The following CDK8 variants were observed in gnomAD, a reference collection of about 807,000 sequenced individuals.
The protein encoded by CDK8 is cyclin-dependent kinase 8.
In CDK8, 29 loss-of-function variants were observed where a neutral mutation model predicts 71.5. The observed-to-expected ratio is 0.41, with a 90% confidence interval of 0.30 to 0.55. CDK8 has a LOEUF of 0.55. Among genes scored for constraint, CDK8 ranks in the 20% least tolerant of loss-of-function variants. The pLI is 0.37. For missense variants in CDK8, 288 were observed against 572.6 expected (o/e 0.50, Z 5.07); for synonymous variants, 161 against 192.1 (o/e 0.84, Z 1.34).
intron 2 of CDK8, among the ~76,000 whole-genome samples, chr13:26,342,992 CCTGGTGTCTCT>C: frequency 6.6e-6 from 1 of 152,260 alleles, no homozygotes; most frequent in Non-Finnish European, 1.5e-5. Flanking sequence ...CAGAGACACT[CCTGGTGTCTCT>C]CTGTATGTCC....
intron 1 of CDK8, among the ~76,000 whole-genome samples, chr13:26,305,731 T>A (rs1211160222): frequency 6.6e-6 from 1 of 152,212 alleles, no homozygotes; most frequent in East Asian, 1.9e-4. Context: ...CATTTGCTTT[T>A]AAACCTGTCA....
rs117488420 is a variant in CDK8 at position 26,285,375 on chromosome 13, T to C, written c.128+30606T>C. ...AACACATGGAAGTCAATAAATGTGATCCATCACATAAACAGAATTAAAAAC... is the reference window on the plus strand; with the variant it reads ...AACACATGGAAGTCAATAAATGTGACCCATCACATAAACAGAATTAAAAAC... On this transcript the variant is annotated intron_variant, in intron 1 of 12. Coordinates refer to ENST00000381527, the MANE Select transcript of CDK8 (RefSeq NM_001260.3). Among the ~76,000 whole-genome samples, 1,029 of 152,294 alleles carry C rather than the reference T, an allele frequency of 6.8e-3. 8 individuals are homozygous for C. The highest frequency in any genetic ancestry group is 0.024 in the Middle Eastern group (7 of 294).
intron 1 of CDK8, among the ~76,000 whole-genome samples, chr13:26,273,114 T>C (rs1366926083): frequency 6.6e-6 from 1 of 152,176 alleles, no homozygotes; most frequent in East Asian, 1.9e-4. Flanking sequence ...TAGATTTAGG[T>C]CTCTAAGGGG....
chr13:26,335,688 T>A (rs1352063591), intron 1 of CDK8, among the ~76,000 whole-genome samples: 4 of 152,104 alleles, frequency 2.6e-5, no homozygotes, highest in Non-Finnish European at 5.9e-5. Flanking sequence ...GTCTTTAACT[T>A]CTTCTTCCTT....
intron 3 of CDK8, among the ~76,000 whole-genome samples, chr13:26,351,913 T>C (rs965576843): frequency 1.1e-4 from 16 of 152,094 alleles, no homozygotes; most frequent in Non-Finnish European, 2.4e-4. Flanking sequence ...GATTTCATGG[T>C]ATGTATATTT....
intron 1 of CDK8, among the ~76,000 whole-genome samples, chr13:26,312,741 C>T (rs1056242221): frequency 9.2e-5 from 14 of 152,214 alleles, no homozygotes; most frequent in Non-Finnish European, 2.1e-4. Context: ...TGTCTCCTTT[C>T]TAAGGTCTGC....
rs568596743 is a variant in CDK8, at chr13:26,389,862, G to C, written c.647-3505G>C. On this transcript the variant is annotated intron_variant, in intron 6 of 12. Transcript: ENST00000381527. ...AAAATACAAAAATTAGCCAGGCATG[G>C]TGGCGGGCACCTGTAATCCCAGCTG... 8.6e-4 allele frequency among the ~76,000 whole-genome samples: 131 copies of C among 152,166 alleles called. 1 individual carries two copies. The highest frequency in any genetic ancestry group is 3.1e-3 in the African/African-American group (127 of 41,534).
At chr13:26,392,232 C>T (rs79551137) in intron 6 of CDK8, among the ~76,000 whole-genome samples, 7,695 of 151,486 alleles carry the variant, frequency 0.051, 279 homozygotes, top group Non-Finnish European at 0.074. Context: ...GAAAGTAAAT[C>T]TGTATCTTGT....
chr13:26,263,837 C>G (rs1871898464), intron 1 of CDK8, among the ~76,000 whole-genome samples: 1 of 151,674 alleles, frequency 6.6e-6, no homozygotes, highest in Non-Finnish European at 1.5e-5. Flanking sequence ...AGCTCCGTCT[C>G]CTGGGTTCAC....
chr13:26,386,478 C>G (rs1875482914), intron 6 of CDK8, among the ~76,000 whole-genome samples: 1 of 152,080 alleles, frequency 6.6e-6, no homozygotes, highest in African/African-American at 2.4e-5. Context: ...TAACTGCATC[C>G]TGAGGTTTTC....
At chr13:26,321,254 C>T (rs533888976) in intron 1 of CDK8, among the ~76,000 whole-genome samples, 1 of 152,184 alleles carries the variant, frequency 6.6e-6, no homozygotes, top group Admixed American at 6.5e-5. Context: ...TGAATCAGGA[C>T]ATTTTGCTTA....
chr13:26,368,942 T>C (rs1450344990), intron 4 of CDK8, among the ~76,000 whole-genome samples: 2 of 150,966 alleles, frequency 1.3e-5, no homozygotes, highest in Non-Finnish European at 2.9e-5. Context: ...TGTCATGATG[T>C]TTTTTTTTCA....
intron 1 of CDK8, among the ~76,000 whole-genome samples, chr13:26,267,367 C>T (rs779500171): frequency 1.3e-5 from 2 of 152,122 alleles, no homozygotes; most frequent in Non-Finnish European, 2.9e-5. Flanking sequence ...AATATAGTCT[C>T]ATGATAAAAC....
chr13:26,314,349 A>T (rs1007960924), intron 1 of CDK8, among the ~76,000 whole-genome samples: 2 of 152,222 alleles, frequency 1.3e-5, no homozygotes, highest in Non-Finnish European at 2.9e-5. Flanking sequence ...TAACATCATC[A>T]ATCTAAATTC....
At chr13:26,264,822 TATG>T (rs1307487302) in intron 1 of CDK8, among the ~76,000 whole-genome samples, 4 of 152,254 alleles carry the variant, frequency 2.6e-5, no homozygotes, top group African/African-American at 7.2e-5. Context: ...AATGAGAACA[TATG>T]ATATTTGTCT....
intron 3 of CDK8, among the ~76,000 whole-genome samples, 166 bp from the exon 4 acceptor site, chr13:26,353,574 A>G (rs568264264): frequency 6.6e-6 from 1 of 152,290 alleles, no homozygotes; most frequent in African/African-American, 2.4e-5. Context: ...AGCCCCAGTT[A>G]TTAGGGAATT....
chr13:26,282,917 T>C (rs1049941346), intron 1 of CDK8, among the ~76,000 whole-genome samples: 3 of 152,210 alleles, frequency 2.0e-5, no homozygotes, highest in African/African-American at 7.2e-5. Context: ...GAATAGCTAT[T>C]CTTATATCAG....
chr13:26,351,160 AG>A (rs1229510793), intron 3 of CDK8, among the ~76,000 whole-genome samples: 9 of 152,168 alleles, frequency 5.9e-5, no homozygotes, highest in African/African-American at 2.2e-4. Context: ...TAATTCATTA[AG>A]AATTACTATA....
chr13:26,291,713 C>A (rs1242872373), intron 1 of CDK8, among the ~76,000 whole-genome samples: 4 of 152,164 alleles, frequency 2.6e-5, no homozygotes, highest in African/African-American at 9.7e-5. Context: ...AATTTGCTAT[C>A]ATGGTACATG....
Sources: gnomAD v4.1 joint callset for allele counts (sites outside exome capture counted in the v4.1 genomes callset) on GRCh38, gnomAD v4.1.1 for gene constraint, MANE v1.5 for transcripts, NCBI Gene and HGNC (gene_info 2026-07-23, HGNC 2026-07-21) for gene names.